Variants in TTLL5 observed in about 807,000 individuals in gnomAD.
TTLL5 encodes tubulin tyrosine ligase like 5.
TTLL5 carries 132 observed loss-of-function variants against 168.4 expected under a neutral mutation model. The observed-to-expected ratio is 0.78, with a 90% CI of 0.68 to 0.91. The LOEUF is 0.91. Among genes scored for constraint, TTLL5 ranks in the 40% least tolerant of loss-of-function variants. The pLI, the probability that TTLL5 is intolerant of heterozygous loss-of-function variation, is 0.00. For synonymous variants in TTLL5, 546 were observed against 558.6 expected (o/e 0.98, Z 0.32); for missense variants, 1,545 against 1,581.5 (o/e 0.98, Z 0.39).
intron 31 of TTLL5, among the ~76,000 whole-genome samples, chr14:75,936,769 G>C (rs115353946): frequency 6.6e-6 from 1 of 152,168 alleles, no homozygotes; most frequent in Non-Finnish European, 1.5e-5. Context: ...TGATCAAGAG[G>C]ATGTGGAATT....
intron 3 of TTLL5, among the ~76,000 whole-genome samples, chr14:75,676,121 A>G (rs1286991992): frequency 2.0e-5 from 3 of 152,176 alleles, no homozygotes; most frequent in Non-Finnish European, 4.4e-5. Context: ...CTTGCCCTCA[A>G]TGGATTAAAT....
chr14:75,669,317 G>C, intron 2 of TTLL5, 99 bp from the exon 3 acceptor site: 2 of 1,065,484 alleles, frequency 1.9e-6, no homozygotes, highest in Admixed American at 2.2e-5. Flanking sequence ...ATTCCAGAAG[G>C]AAGGGGAAAC....
At chr14:75,825,019 C>T (rs748647224) in intron 28 of TTLL5, among the ~76,000 whole-genome samples, 1 of 152,044 alleles carries the variant, frequency 6.6e-6, no homozygotes, top group East Asian at 1.9e-4. Flanking sequence ...AGTGTGTGAC[C>T]TTGGGCAAGT....
intron 31 of TTLL5, among the ~76,000 whole-genome samples, chr14:75,911,253 G>A (rs1055564551): frequency 1.3e-5 from 2 of 151,926 alleles, no homozygotes; most frequent in East Asian, 1.9e-4. Flanking sequence ...GGCTGGCCTC[G>A]AACTCCTGAC....
chr14:75,901,676 C>T (rs148985424), intron 30 of TTLL5, among the ~76,000 whole-genome samples: 5 of 152,320 alleles, frequency 3.3e-5, no homozygotes, highest in Non-Finnish European at 7.4e-5. Context: ...CCCTGGTTGG[C>T]TCAGGGGACA....
Position 75,766,053 on chromosome 14 carries a change from C to T in TTLL5, c.1709-9C>T, listed in dbSNP as rs373032875. The T allele has an allele frequency of 1.5e-4, 237 of 1,599,326 alleles. 1 individual carries two copies. The African/African-American group carries it at 2.4e-3, about 16-fold the overall frequency. On this transcript the variant is annotated splice_polypyrimidine_tract_variant and intron_variant, in intron 19 of 31. Transcript: ENST00000298832. Reference sequence around the variant, plus strand: ...TTTTTCAGCAACATTAGTGATTCTTCGTATTTAGTGATTACCCAACCAGCT... The same window carrying T: ...TTTTTCAGCAACATTAGTGATTCTTTGTATTTAGTGATTACCCAACCAGCT...
intron 31 of TTLL5, among the ~76,000 whole-genome samples, chr14:75,950,735 A>C (rs934561034): frequency 1.3e-5 from 2 of 152,140 alleles, no homozygotes; most frequent in African/African-American, 4.8e-5. Flanking sequence ...TGGGTGGCCA[A>C]GGAGGGAGGA....
intron 12 of TTLL5, among the ~76,000 whole-genome samples, chr14:75,722,417 T>C (rs1487797363): frequency 1.3e-5 from 2 of 152,144 alleles, no homozygotes; most frequent in Admixed American, 1.3e-4. Context: ...GGCTAATTGT[T>C]TAAAAAACTT....
Position 75,771,653 on chromosome 14 carries a change from G to T in TTLL5, c.2016-81G>T, listed in dbSNP as rs1891325433. 3 of 1,579,340 alleles carry T rather than the reference G, an allele frequency of 1.9e-6. No individual in the cohort carries two copies. The South Asian group carries it at 3.6e-5, about 19-fold the overall frequency. ...CATCATAATAGAAGCATCCTCAAAG[G>T]CCACTTGGAGAGAAGCAAGTACACA... is the stretch of plus-strand genomic sequence containing the variant. On this transcript the variant is annotated intron_variant, in intron 20 of 31. Coordinates refer to ENST00000298832, the MANE Select transcript of TTLL5 (RefSeq NM_015072.5).
intron 6 of TTLL5, among the ~76,000 whole-genome samples, chr14:75,698,657 C>A (rs928343432): frequency 1.3e-5 from 2 of 152,034 alleles, no homozygotes; most frequent in African/African-American, 4.8e-5. Context: ...AATTCCGGCG[C>A]TTTGGGAGGC....
chr14:75,789,135 C>G (rs1048613495), intron 26 of TTLL5, among the ~76,000 whole-genome samples: 2 of 152,162 alleles, frequency 1.3e-5, no homozygotes, highest in African/African-American at 4.8e-5. Context: ...CAAGAGCTAT[C>G]AGCCTAAATA....
At chr14:75,757,661 A>G (rs1310598983) in intron 18 of TTLL5, among the ~76,000 whole-genome samples, 1 of 152,126 alleles carries the variant, frequency 6.6e-6, no homozygotes, top group East Asian at 1.9e-4. Context: ...CTACTCTTTT[A>G]TGAGAATGTT....
At chr14:75,781,971 A>G in intron 24 of TTLL5, among the ~76,000 whole-genome samples, 1 of 151,782 alleles carries the variant, frequency 6.6e-6, no homozygotes, top group East Asian at 1.9e-4. Context: ...AAAAAAAAAA[A>G]AAAAAAAAAG....
chr14:75,709,335 G>A (rs1886886469), intron 9 of TTLL5: 1 of 642,386 alleles, frequency 1.6e-6, no homozygotes, highest in African/African-American at 1.8e-5. Flanking sequence ...TGTATCCTAT[G>A]ACTTGAAATC....
intron 4 of TTLL5, 38 bp from the exon 5 acceptor site, chr14:75,683,512 A>T: frequency 6.7e-7 from 1 of 1,487,804 alleles, no homozygotes; most frequent in Non-Finnish European, 9.4e-7. Context: ...GGTATCTCTG[A>T]TGTTTTTTTG....
intron 9 of TTLL5, among the ~76,000 whole-genome samples, chr14:75,714,138 T>C (rs1594912777): frequency 6.6e-6 from 1 of 152,306 alleles, no homozygotes; most frequent in East Asian, 1.9e-4. Flanking sequence ...TTTGGGCTTG[T>C]CTGATATTTT....
intron 11 of TTLL5, among the ~76,000 whole-genome samples, chr14:75,720,278 G>A (rs1887759896): frequency 6.6e-6 from 1 of 152,050 alleles, no homozygotes; most frequent in South Asian, 2.1e-4. Context: ...GAAACTGTGT[G>A]CCAAAAAAGA....
chr14:75,938,588 C>G (rs2034500980), intron 31 of TTLL5, among the ~76,000 whole-genome samples: 1 of 152,170 alleles, frequency 6.6e-6, no homozygotes, highest in Non-Finnish European at 1.5e-5. Context: ...ATATGGATTT[C>G]CTTATTTGGC....
intron 31 of TTLL5, among the ~76,000 whole-genome samples, chr14:75,923,660 G>A (rs1217600058): frequency 6.6e-6 from 1 of 152,208 alleles, no homozygotes; most frequent in Non-Finnish European, 1.5e-5. Flanking sequence ...TAAGTGTGAT[G>A]TGGTGCTAAG....
Sources: gnomAD v4.1 joint callset for allele counts (sites outside exome capture counted in the v4.1 genomes callset) on GRCh38, gnomAD v4.1.1 for gene constraint, MANE v1.5 for transcripts, NCBI Gene and HGNC (gene_info 2026-07-23, HGNC 2026-07-21) for gene names.